Variants in PAMR1 observed in about 807,000 individuals in gnomAD.
PAMR1 encodes peptidase domain containing associated with muscle regeneration 1.
PAMR1 carries 88 observed loss-of-function variants against 81.8 expected under a neutral mutation model. That is an observed-to-expected ratio of 1.08 (90% CI 0.91 to 1.28). The LOEUF (loss-of-function observed/expected upper bound fraction) is 1.28. Ranked by LOEUF, PAMR1 falls within the 50% of genes most tolerant of loss-of-function variation. The pLI is 0.00. For missense variants in PAMR1, 935 were observed against 919.7 expected, an observed-to-expected ratio of 1.02 and a Z score of -0.21; for synonymous variants, 336 against 345.3, an observed-to-expected ratio of 0.97 and a Z score of 0.30.
intron 3 of PAMR1, among the ~76,000 whole-genome samples, chr11:35,482,102 T>G (rs138300143): frequency 9.4e-4 from 143 of 152,356 alleles, no homozygotes; most frequent in Admixed American, 1.6e-3. Context: ...CGTCATTAAG[T>G]CTTTGCCCAT....
chr11:35,457,933 T>G (rs1332220091), intron 6 of PAMR1, among the ~76,000 whole-genome samples: 2 of 152,096 alleles, frequency 1.3e-5, no homozygotes, highest in East Asian at 3.9e-4. Flanking sequence ...GAGATGAACA[T>G]TAACTCTTCA....
intron 8 of PAMR1, 95 bp from the exon 9 acceptor site, chr11:35,436,230 G>T: frequency 7.8e-6 from 6 of 770,084 alleles, no homozygotes; most frequent in African/African-American, 3.4e-5. Flanking sequence ...GTAGATATTT[G>T]TTTACAGAAA....
rs199944351 is a variant in PAMR1, at chr11:35,432,323, A to G, written c.*33T>C. The stretch of plus-strand genomic sequence containing the variant: ...ATGACACACGTACAGACGGATATAC[A>G]GAAACACTTCTCAAGGAGTGCATGA... On this transcript the variant is annotated 3_prime_UTR_variant, in exon 11 of 11. Transcript: ENST00000619888. The G allele has an allele frequency of 1.7e-5, 27 of 1,579,758 alleles. No individual in the cohort carries two copies. The East Asian group carries it at 6.0e-4, about 35-fold the overall frequency.
In PAMR1 at chr11:35,439,627, C is replaced by G. The variant is rs758828242; in HGVS notation, c.1100G>C (p.Arg367Thr). The G allele has an allele frequency of 6.2e-7, 1 of 1,613,036 alleles. No individual in the cohort carries two copies. Among genetic ancestry groups the G allele is most frequent in the South Asian group, 1.1e-5 (1 of 91,052 alleles). The stretch of plus-strand genomic sequence containing the variant: ...CAGAGTGCAGGTGTTTTGACCTCAC[C>G]TTGACTGAACCTGCATCGGAAGAAC... ...RRVLPMQVQS[R>T]ETPLHQLYSA... The change falls in exon 8 of 11, where the codon AGG becomes ACG. Residue 367 changes from arginine (R) to threonine (T), a missense_variant and splice_region_variant. Coordinates refer to ENST00000619888, the MANE Select transcript of PAMR1 (RefSeq NM_001001991.3).
intron 3 of PAMR1, among the ~76,000 whole-genome samples, chr11:35,486,013 G>C (rs1320984900): frequency 3.3e-5 from 5 of 152,176 alleles, no homozygotes; most frequent in Admixed American, 2.0e-4. Context: ...AGAGTGAAAT[G>C]AATTACTTCT....
At position 35,432,613 on chromosome 11, in the gene PAMR1, C is replaced by T; in HGVS notation, c.1906G>A (p.Asp636Asn). Residue 636 changes from aspartate (D) to asparagine (N), a missense_variant, in exon 11 of 11, where the codon GAC becomes AAC. Transcript: ENST00000619888. ...DSLLCEEQHE[D>N]HGIPVSVTDN... is the part of the protein sequence containing the mutation. ...GTGACACTCACTGGGATGCCATGGT[C>T]CTCATGCTGCTCCTCACACAGCAGC... 1.9e-6 allele frequency: 3 copies of T among 1,614,114 alleles called. No homozygotes were observed. The highest frequency in any genetic ancestry group is 1.7e-6 in the Non-Finnish European group (2 of 1,179,980).
At chr11:35,503,204 C>G (rs1030351465) in intron 1 of PAMR1, among the ~76,000 whole-genome samples, 1 of 151,028 alleles carries the variant, frequency 6.6e-6, no homozygotes, top group African/African-American at 2.4e-5. Flanking sequence ...TATGTGTCTA[C>G]TATTATGTAA....
At chr11:35,481,243 A>G (rs1211087859) in intron 3 of PAMR1, among the ~76,000 whole-genome samples, 1 of 152,172 alleles carries the variant, frequency 6.6e-6, no homozygotes, top group Non-Finnish European at 1.5e-5. Context: ...GCTGGGTCAA[A>G]TGGTATTTCT....
At chr11:35,485,830 C>T (rs757531817) in intron 3 of PAMR1, among the ~76,000 whole-genome samples, 1 of 152,128 alleles carries the variant, frequency 6.6e-6, no homozygotes, top group Admixed American at 6.5e-5. Flanking sequence ...TTCAGAGACA[C>T]TCAGAAGGAA....
intron 3 of PAMR1, among the ~76,000 whole-genome samples, chr11:35,487,515 G>A (rs578176618): frequency 6.6e-5 from 10 of 152,298 alleles, no homozygotes; most frequent in East Asian, 3.9e-4. Context: ...ATCAGCCAAC[G>A]TCCTAACTGA....
At chr11:35,473,893 C>T (rs1996369) in intron 4 of PAMR1, among the ~76,000 whole-genome samples, 5 of 151,868 alleles carry the variant, frequency 3.3e-5, no homozygotes, top group Non-Finnish European at 5.9e-5. Flanking sequence ...GTGAGGAAAG[C>T]GGGAGGTGTT....
rs145680161 is a variant in PAMR1, at chr11:35,517,640, C to T, written c.73+7873G>A. Among the ~76,000 whole-genome samples, 451 of 152,322 alleles carry T rather than the reference C, an allele frequency of 3.0e-3. 1 individual carries two copies. The highest frequency in any genetic ancestry group is 5.0e-3 in the Non-Finnish European group (337 of 68,022). On this transcript the variant is annotated intron_variant, in intron 1 of 10. Coordinates refer to ENST00000619888, the MANE Select transcript of PAMR1 (RefSeq NM_001001991.3). Reference sequence around the variant, plus strand: ...GCAGAGTCTATAATCTCCAAATCCCCCAGACTTATTTCATCATAACATCCT... The same window carrying T: ...GCAGAGTCTATAATCTCCAAATCCCTCAGACTTATTTCATCATAACATCCT...
rs73451148 is a variant in PAMR1 at position 35,508,580 on chromosome 11, T to C, written c.74-14308A>G. Reference sequence around the variant, plus strand: ...GTTCAGGGGTACATGCACAGGTTTTTTTATGTAGGTAAACTATGTATCATG... The same window carrying C: ...GTTCAGGGGTACATGCACAGGTTTTCTTATGTAGGTAAACTATGTATCATG... On this transcript the variant is annotated intron_variant, in intron 1 of 10. Coordinates refer to ENST00000619888, the MANE Select transcript of PAMR1 (RefSeq NM_001001991.3). Among the ~76,000 whole-genome samples the C allele has an allele frequency of 6.3e-3, 950 of 151,466 alleles. 19 individuals are homozygous for C. Among genetic ancestry groups the C allele is most frequent in the African/African-American group, 0.022 (889 of 41,158 alleles).
At chr11:35,447,906 T>C (rs1192069201) in intron 6 of PAMR1, among the ~76,000 whole-genome samples, 2 of 152,224 alleles carry the variant, frequency 1.3e-5, no homozygotes, top group Non-Finnish European at 2.9e-5. Context: ...TTATGAAGCT[T>C]AGTTTGCCTG....
chr11:35,477,127 A>G (rs1438434879), intron 3 of PAMR1, among the ~76,000 whole-genome samples: 1 of 152,178 alleles, frequency 6.6e-6, no homozygotes, highest in Admixed American at 6.5e-5. Context: ...TTCTATGGTC[A>G]ATATTATTAC....
At chr11:35,455,771 T>C (rs1856515555) in intron 6 of PAMR1, among the ~76,000 whole-genome samples, 1 of 152,164 alleles carries the variant, frequency 6.6e-6, no homozygotes, top group Non-Finnish European at 1.5e-5. Context: ...CATTAGAAGA[T>C]GTTTTTCTAT....
chr11:35,468,255 T>C, intron 5 of PAMR1, 147 bp from the exon 6 acceptor site: 1 of 580,886 alleles, frequency 1.7e-6, no homozygotes, highest in Non-Finnish European at 3.1e-6. Context: ...TTATGATTAT[T>C]TGAAAATGCC....
intron 3 of PAMR1, among the ~76,000 whole-genome samples, chr11:35,478,594 C>A (rs1199449957): frequency 6.6e-6 from 1 of 152,180 alleles, no homozygotes; most frequent in Non-Finnish European, 1.5e-5. Flanking sequence ...TCAATTCCCT[C>A]TCCACTCTTG....
At chr11:35,515,094 A>G (rs1851138623) in intron 1 of PAMR1, among the ~76,000 whole-genome samples, 1 of 152,244 alleles carries the variant, frequency 6.6e-6, no homozygotes, top group Non-Finnish European at 1.5e-5. Context: ...ACAATGAAAT[A>G]TAAGCTATAC....
Sources: allele counts gnomAD v4.1 joint callset (sites outside exome capture counted in the v4.1 genomes callset), GRCh38; gene constraint gnomAD v4.1.1; transcripts MANE v1.5; gene names NCBI Gene and HGNC (gene_info 2026-07-23, HGNC 2026-07-21).